PRKCB: variants seen among roughly 807,000 people sequenced by gnomAD.
PRKCB encodes the protein protein kinase C beta type.
PRKCB carries 13 observed loss-of-function variants against 81.5 expected under a neutral mutation model. The ratio of observed to expected loss-of-function variants is 0.16; its 90% CI spans 0.10 to 0.25. PRKCB has a LOEUF of 0.25. Among genes scored for constraint, PRKCB ranks in the 10% least tolerant of loss-of-function variants. PRKCB has a pLI of 1.00. For missense variants in PRKCB, 509 were observed against 875.7 expected (o/e 0.58, Z 5.29); for synonymous variants, 335 against 321.4 (o/e 1.04, Z -0.45).
intron 16 of PRKCB, among the ~76,000 whole-genome samples, chr16:24,211,923 C>T (rs1251729947): frequency 6.6e-6 from 1 of 152,078 alleles, no homozygotes; most frequent in Admixed American, 6.6e-5. Context: ...GACCTAAGTC[C>T]CTTGCATGCA....
intron 15 of PRKCB, 96 bp downstream of exon 15, chr16:24,185,663 C>G: frequency 2.1e-6 from 2 of 967,564 alleles, no homozygotes; most frequent in South Asian, 1.5e-5. Flanking sequence ...GGAACACAGC[C>G]TGAACTCCAC....
intron 2 of PRKCB, among the ~76,000 whole-genome samples, chr16:23,888,036 A>G (rs1250644007): frequency 6.6e-6 from 1 of 152,170 alleles, no homozygotes; most frequent in Non-Finnish European, 1.5e-5. Context: ...AGTTAATTGC[A>G]AGAATCTGAC....
rs1403936851 is a variant in PRKCB, at chr16:23,875,565, G to GTATGTATATCACACATATATGTA, written c.205+38160_205+38161insATGTATATCACACATATATGTAT. On this transcript the variant is annotated intron_variant, in intron 2 of 16. Transcript: ENST00000643927. The stretch of plus-strand genomic sequence containing the variant: ...ACATATGTATGTATATCACACACAT[G>GTATGTATATCACACATATATGTA]TGTATATCAAACACATATGTATATC... Among the ~76,000 whole-genome samples the GTATGTATATCACACATATATGTA allele has an allele frequency of 1.0e-4, 2 of 19,980 alleles. 1 individual carries two copies. The highest frequency in any genetic ancestry group is 1.9e-4 in the Non-Finnish European group (2 of 10,734). The allele number at this position is 19,980 out of a possible 152,430, so 13.1% of individuals were successfully genotyped here.
intron 2 of PRKCB, among the ~76,000 whole-genome samples, chr16:23,844,315 G>A (rs1239624965): frequency 6.6e-6 from 1 of 152,162 alleles, no homozygotes; most frequent in Non-Finnish European, 1.5e-5. Context: ...AACATCCACA[G>A]TGTTTACATA....
At position 23,917,567 on chromosome 16, in the gene PRKCB, T is replaced by C. The variant is rs190456228; in HGVS notation, c.206-70941T>C. The stretch of plus-strand genomic sequence containing the variant: ...GATTAGGAGGGACTGCAGCTCTCGA[T>C]TATGAATGGGATTGGCCTCCACAGG... On this transcript the variant is annotated intron_variant, in intron 2 of 16. Transcript: ENST00000643927. Among the ~76,000 whole-genome samples the C allele has an allele frequency of 7.2e-5, 11 of 152,292 alleles. No individual in the cohort carries two copies. In the East Asian group the frequency reaches 2.1e-3, roughly 29 times the overall value.
At chr16:23,844,545 C>G (rs1205938948) in intron 2 of PRKCB, among the ~76,000 whole-genome samples, 1 of 152,160 alleles carries the variant, frequency 6.6e-6, no homozygotes, top group Non-Finnish European at 1.5e-5. Context: ...CTTGCTCTGT[C>G]GCCCAGGCTG....
intron 15 of PRKCB, 105 bp downstream of exon 15, chr16:24,185,672 A>C (rs1596588063): frequency 1.1e-6 from 1 of 883,882 alleles, no homozygotes; most frequent in Non-Finnish European, 1.8e-6. Flanking sequence ...CCTGAACTCC[A>C]CCCTTCACTC....
intron 7 of PRKCB, among the ~76,000 whole-genome samples, chr16:24,108,577 GCA>G (rs1966611430): frequency 7.2e-6 from 1 of 139,100 alleles, no homozygotes. Flanking sequence ...CTGCCTTCAA[GCA>G]TCTGTTTAAC....
At chr16:24,100,105 A>T (rs1430792864) in intron 7 of PRKCB, 2 of 152,042 alleles carry the variant, frequency 1.3e-5, no homozygotes, top group Non-Finnish European at 2.9e-5. Context: ...TGCCACAAAG[A>T]GTCTGTTTTG....
chr16:24,064,482 C>T (rs1401050435), intron 5 of PRKCB, among the ~76,000 whole-genome samples: 1 of 152,184 alleles, frequency 6.6e-6, no homozygotes, highest in African/African-American at 2.4e-5. Context: ...AGTCTGAAAA[C>T]ATACATAATT....
intron 2 of PRKCB, among the ~76,000 whole-genome samples, chr16:23,873,381 A>AG (rs1288975583): frequency 1.3e-4 from 19 of 151,624 alleles, no homozygotes; most frequent in Admixed American, 2.0e-4. Flanking sequence ...AAAAAAAAAA[A>AG]AGAGAGAAAA....
In PRKCB at chr16:24,213,999, C is replaced by T. The variant is rs79852745; in HGVS notation, c.1864-659C>T. 6.1e-3 allele frequency among the ~76,000 whole-genome samples: 929 copies of T among 152,332 alleles called. 6 individuals carry two copies. Among genetic ancestry groups the T allele is most frequent in the Non-Finnish European group, 0.01 (687 of 68,024 alleles). On this transcript the variant is annotated intron_variant, in intron 16 of 16. Transcript: ENST00000643927. ...GAAGAGGGAATGGCTGAATTTACCT[C>T]CTGGCACCTTGCATTTGATGTTCAG...
intron 2 of PRKCB, among the ~76,000 whole-genome samples, chr16:23,923,881 T>G (rs1188971606): frequency 6.6e-6 from 1 of 152,126 alleles, no homozygotes; most frequent in African/African-American, 2.4e-5. Flanking sequence ...GCACACCAAC[T>G]TGAAGCATGC....
chr16:24,172,767 A>G (rs1967463804), intron 11 of PRKCB, among the ~76,000 whole-genome samples: 2 of 152,274 alleles, frequency 1.3e-5, no homozygotes, highest in South Asian at 4.2e-4. Context: ...CTCTAAAACC[A>G]CAGCTATTTA....
intron 2 of PRKCB, among the ~76,000 whole-genome samples, chr16:23,978,285 C>G (rs914300294): frequency 6.6e-6 from 1 of 152,196 alleles, no homozygotes; most frequent in Admixed American, 6.5e-5. Context: ...CAGCGCAGTC[C>G]CCCCATATCC....
chr16:24,212,461 C>CTTTTTTTTTTTTTTTTTTTTT, intron 16 of PRKCB, among the ~76,000 whole-genome samples: 1 of 78,062 alleles, frequency 1.3e-5, no homozygotes, highest in Non-Finnish European at 2.5e-5. Flanking sequence ...CTTTTTTTTC[C>CTTTTTTTTTTTTTTTTTTTTT]TTTTTTTTTT....
intron 2 of PRKCB, among the ~76,000 whole-genome samples, chr16:23,854,968 A>G (rs913312321): frequency 3.3e-5 from 5 of 152,206 alleles, no homozygotes; most frequent in Non-Finnish European, 7.3e-5. Flanking sequence ...GAGATGCTGT[A>G]TGCAAAGGAT....
intron 5 of PRKCB, among the ~76,000 whole-genome samples, chr16:24,073,448 C>T (rs1176581924): frequency 3.3e-5 from 5 of 152,160 alleles, no homozygotes. Flanking sequence ...CCTCCCGCCT[C>T]AGCCCCTTGA....
intron 3 of PRKCB, among the ~76,000 whole-genome samples, chr16:24,027,568 C>T (rs1027418015): frequency 2.0e-5 from 3 of 152,084 alleles, no homozygotes; most frequent in African/African-American, 4.8e-5. Context: ...GTCCCACTGG[C>T]GACAGCAGAA....
Sources: gnomAD v4.1 joint callset for allele counts (sites outside exome capture counted in the v4.1 genomes callset) on GRCh38, gnomAD v4.1.1 for gene constraint, MANE v1.5 for transcripts, NCBI Gene and HGNC (gene_info 2026-07-23, HGNC 2026-07-21) for gene names.